The following C12orf42 variants were observed in gnomAD, a reference collection of about 807,000 sequenced individuals.
C12orf42 encodes the protein chromosome 12 open reading frame 42, also known as uncharacterized protein C12orf42.
Under a neutral mutation model 21.6 loss-of-function variants are expected in C12orf42, and 25 were observed. That is an observed-to-expected ratio of 1.16 (90% CI 0.84 to 1.62). C12orf42 has a LOEUF of 1.62. Ranked by LOEUF, C12orf42 falls within the 40% of genes most tolerant of loss-of-function variation. The pLI, the probability that C12orf42 is intolerant of heterozygous loss-of-function variation, is 0.00. For synonymous variants in C12orf42, 174 were observed against 175.0 expected, an observed-to-expected ratio of 0.99 and a Z score of 0.05; for missense variants, 483 against 459.3, an observed-to-expected ratio of 1.05 and a Z score of -0.47.
At chr12:103,428,841 C>G (rs1169785179) in intron 2 of C12orf42, among the ~76,000 whole-genome samples, 1 of 152,154 alleles carries the variant, frequency 6.6e-6, no homozygotes, top group Non-Finnish European at 1.5e-5. Context: ...CGTAATCCAT[C>G]ACATAAACAA....
At chr12:103,163,511 G>C in the C12orf42 span, among the ~76,000 whole-genome samples, 2,486 of 152,262 alleles carry the variant, frequency 0.016, 77 homozygotes, top group African/African-American at 0.057. Flanking sequence ...CTCAGAAAGA[G>C]AGAACTAGAG....
At chr12:103,345,804 G>T (rs1026521670) in intron 4 of C12orf42, among the ~76,000 whole-genome samples, 7 of 152,200 alleles carry the variant, frequency 4.6e-5, no homozygotes, top group East Asian at 1.9e-4. Context: ...ATGTATACAG[G>T]TTTATTGAAC....
chr12:103,202,836 G>A, the C12orf42 span, among the ~76,000 whole-genome samples: 1 of 152,144 alleles, frequency 6.6e-6, no homozygotes, highest in Non-Finnish European at 1.5e-5. Context: ...AAACAATTCA[G>A]CTGTTGGATT....
chr12:103,344,711 G>A (rs2042461150), intron 4 of C12orf42, among the ~76,000 whole-genome samples: 1 of 152,104 alleles, frequency 6.6e-6, no homozygotes, highest in African/African-American at 2.4e-5. Flanking sequence ...GGGAGACAAG[G>A]GCACATTTTG....
At chr12:103,335,793 G>C (rs766529061) in intron 4 of C12orf42, among the ~76,000 whole-genome samples, 3 of 152,136 alleles carry the variant, frequency 2.0e-5, no homozygotes, top group Non-Finnish European at 2.9e-5. Context: ...GAAATGTTTC[G>C]CCAGAATAAA....
the C12orf42 span, among the ~76,000 whole-genome samples, chr12:103,206,547 T>C: frequency 1.6e-3 from 229 of 139,236 alleles, no homozygotes; most frequent in African/African-American, 5.0e-3. Context: ...CACACACACA[T>C]GATTAAAAAG....
At chr12:103,214,835 T>A in the C12orf42 span, among the ~76,000 whole-genome samples, 7 of 152,304 alleles carry the variant, frequency 4.6e-5, no homozygotes, top group East Asian at 1.4e-3. Flanking sequence ...GAGTTTTTGT[T>A]GATGCCGTGC....
At chr12:103,402,183 G>A (rs1314992430) in intron 2 of C12orf42, among the ~76,000 whole-genome samples, 1 of 152,116 alleles carries the variant, frequency 6.6e-6, no homozygotes, top group African/African-American at 2.4e-5. Context: ...TTGGCACGTA[G>A]AATTATCATT....
chr12:103,406,425 A>C (rs1418175689), intron 2 of C12orf42, among the ~76,000 whole-genome samples: 1 of 152,222 alleles, frequency 6.6e-6, no homozygotes, highest in Non-Finnish European at 1.5e-5. Context: ...GGATAGTGTA[A>C]TAGATCAGAA....
At chr12:103,393,190 G>T (rs1347833922) in intron 3 of C12orf42, among the ~76,000 whole-genome samples, 1 of 152,156 alleles carries the variant, frequency 6.6e-6, no homozygotes, top group East Asian at 1.9e-4. Context: ...GGCTCACAGG[G>T]ATCTGCAGGC....
intron 4 of C12orf42, among the ~76,000 whole-genome samples, chr12:103,281,043 A>G (rs2036082610): frequency 6.6e-6 from 1 of 152,242 alleles, no homozygotes; most frequent in African/African-American, 2.4e-5. Flanking sequence ...TGACAGTTGA[A>G]GTTTACATAG....
intron 1 of C12orf42, among the ~76,000 whole-genome samples, chr12:103,487,839 C>T (rs937026597): frequency 1.3e-5 from 2 of 152,168 alleles, no homozygotes; most frequent in Non-Finnish European, 2.9e-5. Context: ...TACTTTGAGC[C>T]TATGTGTGTC....
At chr12:103,098,844 C>T in the C12orf42 span, among the ~76,000 whole-genome samples, 47 of 152,334 alleles carry the variant, frequency 3.1e-4, no homozygotes, top group African/African-American at 1.1e-3. Context: ...AACCATCATG[C>T]TATCCTACAT....
the C12orf42 span, among the ~76,000 whole-genome samples, chr12:103,166,327 A>G: frequency 6.6e-6 from 1 of 152,220 alleles, no homozygotes; most frequent in African/African-American, 2.4e-5. Flanking sequence ...CTCCTATTAA[A>G]TGATAAATGC....
the C12orf42 span, among the ~76,000 whole-genome samples, chr12:103,136,193 G>A: frequency 6.6e-6 from 1 of 152,132 alleles, no homozygotes; most frequent in South Asian, 2.1e-4. Flanking sequence ...AATAAATTCA[G>A]CAAGTTGCAG....
intron 4 of C12orf42, among the ~76,000 whole-genome samples, chr12:103,321,736 A>G (rs2136878416): frequency 6.7e-6 from 1 of 148,856 alleles, no homozygotes; most frequent in South Asian, 2.2e-4. Context: ...GAAATTGGAA[A>G]TCATCATTCT....
the C12orf42 span, among the ~76,000 whole-genome samples, chr12:103,175,450 T>C: frequency 2.0e-5 from 3 of 151,844 alleles, no homozygotes; most frequent in Admixed American, 1.3e-4. Context: ...TAGCCAAGAG[T>C]TGGCGAGCTA....
At chr12:103,501,536 C>T in the C12orf42 span, among the ~76,000 whole-genome samples, 1 of 152,154 alleles carries the variant, frequency 6.6e-6, no homozygotes, top group Non-Finnish European at 1.5e-5. Context: ...TGCCAGTTAG[C>T]GCCAGCACCC....
At chr12:103,481,589 C>T (rs1464836094) in intron 1 of C12orf42, among the ~76,000 whole-genome samples, 1 of 151,624 alleles carries the variant, frequency 6.6e-6, no homozygotes, top group Non-Finnish European at 1.5e-5. Context: ...CATACTTGAA[C>T]TTTTAACATT....
Sources: allele counts gnomAD v4.1 joint callset (sites outside exome capture counted in the v4.1 genomes callset), GRCh38; gene constraint gnomAD v4.1.1; transcripts MANE v1.5; gene names NCBI Gene and HGNC (gene_info 2026-07-23, HGNC 2026-07-21).